DUSP22: variants seen among roughly 807,000 people sequenced by gnomAD.
DUSP22 encodes the protein dual specificity protein phosphatase 22.
DUSP22 carries 24 observed loss-of-function variants against 24.5 expected under a neutral mutation model. The ratio of observed to expected loss-of-function variants is 0.98; its 90% CI spans 0.71 to 1.38. The LOEUF is 1.38. Among genes scored for constraint, DUSP22 ranks in the 40% most tolerant of loss-of-function variants. The pLI is 0.00. For synonymous variants in DUSP22, 160 were observed against 106.4 expected (o/e 1.50, Z -3.10); for missense variants, 330 against 269.2 (o/e 1.23, Z -1.58).
chr6:341,221 C>T (rs1443894487), intron 4 of DUSP22, among the ~76,000 whole-genome samples: 3 of 152,306 alleles, frequency 2.0e-5, no homozygotes, highest in African/African-American at 7.2e-5. Flanking sequence ...TTCGCTGGCT[C>T]TCTGTGGACT....
chr6:334,093 G>A (rs543613713), intron 3 of DUSP22, among the ~76,000 whole-genome samples: 11 of 152,418 alleles, frequency 7.2e-5, no homozygotes, highest in East Asian at 3.8e-4. Flanking sequence ...CTGAAGATGC[G>A]TTGCGTTGTA....
At chr6:333,864 C>T (rs1480204893) in intron 3 of DUSP22, among the ~76,000 whole-genome samples, 5 of 152,298 alleles carry the variant, frequency 3.3e-5, no homozygotes, top group South Asian at 2.1e-4. Flanking sequence ...AGTCCCTAAT[C>T]GCGAGGGAGG....
intron 3 of DUSP22, among the ~76,000 whole-genome samples, chr6:315,866 G>A (rs1258818303): frequency 6.6e-6 from 1 of 152,306 alleles, no homozygotes; most frequent in Non-Finnish European, 1.5e-5. Context: ...AGAGCCTTTG[G>A]TGTATGCACA....
At chr6:332,266 A>G (rs1441001170) in intron 3 of DUSP22, among the ~76,000 whole-genome samples, 1 of 152,304 alleles carries the variant, frequency 6.6e-6, no homozygotes, top group African/African-American at 2.4e-5. Context: ...GTGGTCCCCA[A>G]ATTGTGGTTG....
chr6:344,926 C>G (rs1759784683), intron 4 of DUSP22, among the ~76,000 whole-genome samples: 1 of 152,304 alleles, frequency 6.6e-6, no homozygotes, highest in Non-Finnish European at 1.5e-5. Flanking sequence ...CCATCCACAG[C>G]TGGTGTGAGG....
chr6:351,074 T>C lies in DUSP22; in HGVS notation c.*2123T>C, dbSNP rs1368960218. 1.3e-6 allele frequency: 1 copy of C among 795,424 alleles called. No homozygotes were observed. The highest frequency in any genetic ancestry group is 1.9e-6 in the Non-Finnish European group (1 of 517,396). The allele number at this position is 795,424 out of a possible 1,614,324, so 49.3% of individuals were successfully genotyped here. On this transcript the variant is annotated 3_prime_UTR_variant, in exon 7 of 7. Coordinates refer to ENST00000419235, the MANE Select transcript of DUSP22 (RefSeq NM_001286555.3). The stretch of plus-strand genomic sequence containing the variant: ...AATATTTTCCCCTTATCCCCACTGC[T>C]GTGGAGGTTTCTGTACCTCGCTTGG...
At chr6:296,653 T>A (rs1458363853) in intron 1 of DUSP22, among the ~76,000 whole-genome samples, 1 of 152,302 alleles carries the variant, frequency 6.6e-6, no homozygotes, top group Non-Finnish European at 1.5e-5. Context: ...CACTGTCTAC[T>A]TATTAGTCTT....
chr6:311,840 C>G (rs1171421068), intron 2 of DUSP22, 40 bp from the exon 3 acceptor site: 5 of 1,582,514 alleles, frequency 3.2e-6, no homozygotes, highest in Middle Eastern at 3.4e-4. Context: ...AATTAACTTG[C>G]AAAGATATCA....
chr6:332,714 G>T (rs547882300), intron 3 of DUSP22, among the ~76,000 whole-genome samples: 289 of 151,628 alleles, frequency 1.9e-3, no homozygotes, highest in African/African-American at 6.5e-3. Context: ...GAATAAAGTG[G>T]CTGTCAGTCA....
intron 5 of DUSP22, 77 bp from the exon 6 acceptor site, chr6:348,026 C>A: frequency 6.3e-7 from 1 of 1,583,832 alleles, no homozygotes; most frequent in Non-Finnish European, 8.6e-7. Flanking sequence ...CTTAGAGTCC[C>A]CCGCTCCACA....
In DUSP22 at chr6:350,881, T is replaced by G; in HGVS notation, c.*1930T>G. 6.2e-7 allele frequency: 1 copy of G among 1,614,198 alleles called. No homozygotes were observed. Among genetic ancestry groups the G allele is most frequent in the South Asian group, 1.1e-5 (1 of 91,072 alleles). ...CAGAAGACTGTAATGTACCTGAAGTTTCTGAAATATTGCAAACCCACAGAG... is the reference window on the plus strand; with the variant it reads ...CAGAAGACTGTAATGTACCTGAAGTGTCTGAAATATTGCAAACCCACAGAG... On this transcript the variant is annotated 3_prime_UTR_variant, in exon 7 of 7. Transcript: ENST00000419235.
chr6:319,030 G>A (rs1758462586), intron 3 of DUSP22, among the ~76,000 whole-genome samples: 1 of 152,082 alleles, frequency 6.6e-6, no homozygotes, highest in Non-Finnish European at 1.5e-5. Flanking sequence ...ATAATGCACA[G>A]ATAAGGGTTT....
chr6:292,965 G>A (rs1757163942), intron 1 of DUSP22, among the ~76,000 whole-genome samples: 1 of 152,264 alleles, frequency 6.6e-6, no homozygotes, highest in Non-Finnish European at 1.5e-5. Flanking sequence ...ATTAGTAAAC[G>A]GGTGTCCTCT....
intron 1 of DUSP22, among the ~76,000 whole-genome samples, chr6:299,995 G>C: frequency 6.6e-6 from 1 of 152,300 alleles, no homozygotes; most frequent in Non-Finnish European, 1.5e-5. Flanking sequence ...ACCTACCCAA[G>C]GGAGAACCAA....
At chr6:332,496 C>A (rs548056328) in intron 3 of DUSP22, among the ~76,000 whole-genome samples, 137 of 152,390 alleles carry the variant, frequency 9.0e-4, no homozygotes, top group Middle Eastern at 6.8e-3. Flanking sequence ...TGAGTTGGTC[C>A]TTTTGCTCAT....
rs1220960485 is a variant in DUSP22 at position 350,428 on chromosome 6, AT to A, written c.*1478del. 1 of 1,122,542 alleles carries A rather than the reference AT, an allele frequency of 8.9e-7. No individual in the cohort carries two copies. The highest frequency in any genetic ancestry group is 1.6e-5 in the African/African-American group (1 of 60,894). 69.5% of individuals were successfully genotyped at this position (1,122,542 alleles called of 1,614,324 possible). Reference sequence around the variant, plus strand: ...ACATACTCGACCTCTCCCTAAAAAGATGTTGCAACCCAGTTTCTCTGAATTC... The same window carrying A: ...ACATACTCGACCTCTCCCTAAAAAGAGTTGCAACCCAGTTTCTCTGAATTC... On this transcript the variant is annotated 3_prime_UTR_variant, in exon 7 of 7. Transcript: ENST00000419235.
At position 315,606 on chromosome 6, in the gene DUSP22, GA is replaced by G. The variant is rs539789308; in HGVS notation, c.138+3647del. ...ATTTGTGCTTGTACTAGCAATGTAT[GA>G]AAGTGCCTTTCCCTGCCATGCCATC... On this transcript the variant is annotated intron_variant, in intron 3 of 6. Transcript: ENST00000419235. Among the ~76,000 whole-genome samples, 16 of 152,424 alleles carry G rather than the reference GA, an allele frequency of 1.0e-4. No homozygotes were observed. The East Asian group carries it at 3.1e-3, about 29-fold the overall frequency.
chr6:344,391 T>A (rs1158547357), intron 4 of DUSP22, among the ~76,000 whole-genome samples: 1 of 152,296 alleles, frequency 6.6e-6, no homozygotes, highest in Non-Finnish European at 1.5e-5. Context: ...GCTCAAGAGA[T>A]CCTCCCACCT....
Position 348,212 on chromosome 6 carries a change from G to A in DUSP22, c.373G>A (p.Ala125Thr), listed in dbSNP as rs1312196747. Residue 125 changes from alanine (A) to threonine (T), a missense_variant, in exon 6 of 7, where the codon GCC becomes ACC. Coordinates refer to ENST00000419235, the MANE Select transcript of DUSP22 (RefSeq NM_001286555.3). Reference sequence around the variant, plus strand: ...CACCGTGCGTGCTGGGAGATCCTGTGCCAACCCCAACGTGGGCTTCCAGAG... The same window carrying A: ...CACCGTGCGTGCTGGGAGATCCTGTACCAACCCCAACGTGGGCTTCCAGAG... ...LHTVRAGRSC[A>T]NPNVGFQRQL... 1.9e-6 allele frequency: 3 copies of A among 1,614,194 alleles called. No homozygotes were observed. The African/African-American group carries it at 4.0e-5, about 22-fold the overall frequency.
Sources: gnomAD v4.1 joint callset for allele counts (sites outside exome capture counted in the v4.1 genomes callset) on GRCh38, gnomAD v4.1.1 for gene constraint, MANE v1.5 for transcripts, NCBI Gene and HGNC (gene_info 2026-07-23, HGNC 2026-07-21) for gene names.